YWHAB: variants seen among roughly 807,000 people sequenced by gnomAD.
YWHAB encodes 14-3-3 protein beta/alpha.
A neutral mutation model predicts 28.5 loss-of-function variants in YWHAB; 2 were observed. The ratio of observed to expected loss-of-function variants is 0.07; its 90% CI spans 0.03 to 0.22. The LOEUF (loss-of-function observed/expected upper bound fraction) is 0.22, where lower values mean the gene tolerates loss of function less well. Among genes scored for constraint, YWHAB ranks in the 10% least tolerant of loss-of-function variants. YWHAB has a pLI of 1.00. For synonymous variants in YWHAB, 103 were observed against 104.7 expected (o/e 0.98, Z 0.10); for missense variants, 148 against 297.1 (o/e 0.50, Z 3.69).
At chr20:44,902,698 A>G (rs1568932935) in intron 2 of YWHAB, 1 of 152,120 alleles carries the variant, frequency 6.6e-6, no homozygotes, top group African/African-American at 2.4e-5. Flanking sequence ...GGAGTTACAC[A>G]CTGTCTGTCT....
chr20:44,906,295 C>T (rs566827347), intron 5 of YWHAB, 87 bp from the exon 6 acceptor site: 22 of 1,386,516 alleles, frequency 1.6e-5, no homozygotes, highest in South Asian at 1.1e-4. Context: ...TTTAAACTGT[C>T]GAGTGAGATA....
intron 1 of YWHAB, among the ~76,000 whole-genome samples, chr20:44,901,069 C>T (rs530840647): frequency 3.9e-5 from 6 of 152,238 alleles, no homozygotes; most frequent in South Asian, 2.1e-4. Flanking sequence ...CCACTGCACC[C>T]GGCTAGTAAG....
chr20:44,905,212 C>G, intron 4 of YWHAB, 81 bp downstream of exon 4: 1 of 1,439,006 alleles, frequency 6.9e-7, no homozygotes, highest in Non-Finnish European at 9.3e-7. Context: ...TGAACATACT[C>G]ATTGTCTTGG....
intron 2 of YWHAB, chr20:44,902,039 A>G (rs2066630294): frequency 4.0e-6 from 2 of 497,370 alleles, no homozygotes; most frequent in South Asian, 1.0e-4. Context: ...CTTCTGAGAT[A>G]CTTTCCTCTC....
Position 44,904,046 on chromosome 20 carries a change from G to A in YWHAB, c.354G>A (p.Val118=). ...IPNATQPESK[V]FYLKMKGDYF... is the part of the protein sequence containing the mutation. ...ATGCTACACAACCAGAAAGTAAGGT[G>A]TTCTACTTGAAAATGAAAGGAGATT... is the stretch of plus-strand genomic sequence containing the variant. The change falls in exon 3 of 6, where the codon GTG becomes GTA. Residue 118 remains valine (V), a synonymous_variant. Coordinates refer to ENST00000353703, the MANE Select transcript of YWHAB (RefSeq NM_139323.4). 1 of 1,605,834 alleles carries A rather than the reference G, an allele frequency of 6.2e-7. No individual in the cohort carries two copies. The highest frequency in any genetic ancestry group is 1.3e-5 in the African/African-American group (1 of 74,358).
Position 44,906,885 on chromosome 20 carries a change from T to G in YWHAB, c.*447T>G, listed in dbSNP as rs2066661171. 6.5e-6 allele frequency: 1 copy of G among 154,736 alleles called. No individual in the cohort carries two copies. Among genetic ancestry groups the G allele is most frequent in the Admixed American group, 6.4e-5 (1 of 15,688 alleles). The allele number at this position is 154,736 out of a possible 1,614,324, so 9.6% of individuals were successfully genotyped here. On this transcript the variant is annotated 3_prime_UTR_variant, in exon 6 of 6. Transcript: ENST00000353703. ...AGAGATTATATTGTGATGCTGGAACTTGGAGTGAGACACACATCATTTGGC... is the reference window on the plus strand; with the variant it reads ...AGAGATTATATTGTGATGCTGGAACGTGGAGTGAGACACACATCATTTGGC...
In YWHAB at chr20:44,905,140, G is replaced by C; in HGVS notation, c.588+9G>C. On this transcript the variant is annotated intron_variant, in intron 4 of 5. Transcript: ENST00000353703. Reference sequence around the variant, plus strand: ...GTAGCCTGGCAAAAACGGTGAGAAAGACCCTTTGTGATATCTAACCATAGC... The same window carrying C: ...GTAGCCTGGCAAAAACGGTGAGAAACACCCTTTGTGATATCTAACCATAGC... 6.3e-7 allele frequency: 1 copy of C among 1,599,692 alleles called. No homozygotes were observed. The highest frequency in any genetic ancestry group is 8.5e-7 in the Non-Finnish European group (1 of 1,174,736).
At chr20:44,886,973 A>G (rs1421094469) in intron 1 of YWHAB, 1 of 152,262 alleles carries the variant, frequency 6.6e-6, no homozygotes, top group African/African-American at 2.4e-5. Context: ...GAACCAAAAG[A>G]GAAAGGTGAA....
intron 1 of YWHAB, chr20:44,887,017 C>T (rs1250785239): frequency 1.3e-5 from 2 of 152,202 alleles, no homozygotes; most frequent in Non-Finnish European, 2.9e-5. Flanking sequence ...GTCTGCATTT[C>T]TCATTCTGTC....
At chr20:44,893,156 A>G (rs76423372) in intron 1 of YWHAB, among the ~76,000 whole-genome samples, 104 of 152,206 alleles carry the variant, frequency 6.8e-4, no homozygotes, top group African/African-American at 2.4e-3. Context: ...TGCTCTAGCC[A>G]CTGGGAAATA....
At chr20:44,894,751 T>A (rs572022247) in intron 1 of YWHAB, among the ~76,000 whole-genome samples, 1 of 152,356 alleles carries the variant, frequency 6.6e-6, no homozygotes, top group African/African-American at 2.4e-5. Context: ...TCACAGCAAC[T>A]CTACTGAGGT....
intron 1 of YWHAB, among the ~76,000 whole-genome samples, chr20:44,900,509 A>G (rs545767360): frequency 2.2e-4 from 34 of 152,226 alleles, no homozygotes; most frequent in Non-Finnish European, 4.3e-4. Flanking sequence ...AAGATGTGAT[A>G]TAATCTTTCC....
chr20:44,894,169 G>A (rs1043895703), intron 1 of YWHAB, among the ~76,000 whole-genome samples: 2 of 152,178 alleles, frequency 1.3e-5, no homozygotes, highest in Non-Finnish European at 2.9e-5. Flanking sequence ...GTGCTGGAGA[G>A]CTCCTGTTCT....
At chr20:44,904,363 T>C (rs1267253230) in intron 3 of YWHAB, among the ~76,000 whole-genome samples, 1 of 152,216 alleles carries the variant, frequency 6.6e-6, no homozygotes, top group African/African-American at 2.4e-5. Context: ...TCTTGAGTAT[T>C]ATTTGTTAGC....
At position 44,905,144 on chromosome 20, in the gene YWHAB, C is replaced by G. The variant is rs748477116; in HGVS notation, c.588+13C>G. On this transcript the variant is annotated intron_variant, in intron 4 of 5. Transcript: ENST00000353703. Reference sequence around the variant, plus strand: ...CCTGGCAAAAACGGTGAGAAAGACCCTTTGTGATATCTAACCATAGCAAAA... The same window carrying G: ...CCTGGCAAAAACGGTGAGAAAGACCGTTTGTGATATCTAACCATAGCAAAA... The G allele has an allele frequency of 3.8e-6, 6 of 1,598,682 alleles. No individual in the cohort carries two copies. The highest frequency in any genetic ancestry group is 5.1e-6 in the Non-Finnish European group (6 of 1,174,192).
chr20:44,893,102 TTTTCTTTTCTTTC>T, intron 1 of YWHAB, among the ~76,000 whole-genome samples: 1 of 152,298 alleles, frequency 6.6e-6, no homozygotes, highest in African/African-American at 2.4e-5. Context: ...GTAGTCTTCT[TTTTCTTTTCTTTC>T]TTTCTTTTTT....
intron 1 of YWHAB, among the ~76,000 whole-genome samples, chr20:44,897,854 A>G (rs1047753904): frequency 2.0e-5 from 3 of 152,220 alleles, no homozygotes; most frequent in South Asian, 2.1e-4. Context: ...TAACCCAGCA[A>G]AAGTTTCTTT....
intron 1 of YWHAB, among the ~76,000 whole-genome samples, chr20:44,894,529 ACT>A: frequency 6.6e-6 from 1 of 152,156 alleles, no homozygotes; most frequent in East Asian, 1.9e-4. Context: ...AACATAACAT[ACT>A]AACTATCTGT....
chr20:44,906,278 GAAT>G lies in YWHAB; in HGVS notation c.685-100_685-98del, dbSNP rs2066655430. ...ATCATCCCTGTCTGCAGTGACACAG[GAAT>G]AATTTTAAACTGTCGAGTGAGATAA... is the stretch of plus-strand genomic sequence containing the variant. On this transcript the variant is annotated intron_variant, in intron 5 of 5. Coordinates refer to ENST00000353703, the MANE Select transcript of YWHAB (RefSeq NM_139323.4). 4.6e-6 allele frequency: 6 copies of G among 1,301,740 alleles called. No homozygotes were observed. The South Asian group carries it at 7.4e-5, about 16-fold the overall frequency. 80.6% of individuals were successfully genotyped at this position (1,301,740 alleles called of 1,614,324 possible). A position where few individuals can be genotyped will look rare whatever the true frequency, so the allele number is the denominator to read the frequency against.
Sources: gnomAD v4.1 joint callset for allele counts (sites outside exome capture counted in the v4.1 genomes callset) on GRCh38, gnomAD v4.1.1 for gene constraint, MANE v1.5 for transcripts, NCBI Gene and HGNC (gene_info 2026-07-23, HGNC 2026-07-21) for gene names.